The following DBR1 variants were observed in gnomAD, a reference collection of about 807,000 sequenced individuals.
DBR1 encodes the protein debranching RNA lariats 1, also known as lariat debranching enzyme.
DBR1 carries 33 observed loss-of-function variants against 45.9 expected under a neutral mutation model. The ratio of observed to expected loss-of-function variants is 0.72; its 90% confidence interval spans 0.55 to 0.96. The LOEUF is 0.96. Ranked by LOEUF, DBR1 falls within the 40% of genes least tolerant of loss-of-function variation. The pLI, the probability that DBR1 is intolerant of heterozygous loss-of-function variation, is 0.00. For synonymous variants in DBR1, 235 were observed against 235.9 expected (o/e 1.00, Z 0.04); for missense variants, 619 against 667.4 (o/e 0.93, Z 0.80).
At chr3:138,163,045 C>T (rs2042914960) in intron 7 of DBR1, among the ~76,000 whole-genome samples, 1 of 152,134 alleles carries the variant, frequency 6.6e-6, no homozygotes, top group African/African-American at 2.4e-5. Context: ...ATAGCTTGAG[C>T]TCAGGAGTTC....
At chr3:138,173,687 C>A in intron 1 of DBR1, 61 bp from the exon 2 acceptor site, 1 of 1,487,720 alleles carries the variant, frequency 6.7e-7, no homozygotes, top group South Asian at 1.3e-5. Context: ...CAAATAAGTT[C>A]CGAAAAAAAA....
chr3:138,167,204 T>A lies in DBR1; in HGVS notation c.591A>T (p.Arg197=). ...KQLLKTKSFF[R]QEVENNTLGS... ...CTAATGTGTTATTTTCCACTTCTTG[T>A]CGGAAAAAAGATTTAGTCTTAAGAA... Residue 197 remains arginine (R), a synonymous_variant, in exon 5 of 8, where the codon CGA becomes CGT. Transcript: ENST00000260803. 1 of 1,613,914 alleles carries A rather than the reference T, an allele frequency of 6.2e-7. No individual in the cohort carries two copies. Among genetic ancestry groups the A allele is most frequent in the Non-Finnish European group, 8.5e-7 (1 of 1,179,910 alleles).
At chr3:138,171,845 A>G (rs2042957032) in intron 2 of DBR1, 132 bp from the exon 3 acceptor site, 1 of 678,830 alleles carries the variant, frequency 1.5e-6, no homozygotes, top group Admixed American at 2.8e-5. Flanking sequence ...TGATGAGGTT[A>G]TGCTTTTTAC....
At chr3:138,164,305 T>C (rs997703029) in intron 5 of DBR1, 4 of 153,204 alleles carry the variant, frequency 2.6e-5, no homozygotes, top group African/African-American at 4.8e-5. Context: ...GATATATCCA[T>C]AGAATGAACT....
In DBR1 at chr3:138,171,647, T is replaced by A. The variant is rs142840558; in HGVS notation, c.389A>T (p.His130Leu). 9 of 1,608,824 alleles carry A rather than the reference T, an allele frequency of 5.6e-6. No individual in the cohort carries two copies. The African/African-American group carries it at 1.1e-4, about 19-fold the overall frequency. ...CAAAACAATACCTTTTCGATAGTCA[T>A]GAGATTTAAAGATACCAGAGATTCC... is the stretch of plus-strand genomic sequence containing the variant. ...IGGISGIFKS[H>L]DYRKGHFECP... Residue 130 changes from histidine to leucine, a missense_variant, in exon 3 of 8, where the codon CAT becomes CTT. By Grantham distance (99) the His-to-Leu change is moderately conservative. Transcript: ENST00000260803.
rs1420213664 is a variant in DBR1, at chr3:138,167,165, G to C, written c.630C>G (p.Ala210=). Residue 210 remains alanine (A), a synonymous_variant, in exon 5 of 8, where the codon GCC becomes GCG. Coordinates refer to ENST00000260803, the MANE Select transcript of DBR1 (RefSeq NM_016216.4). ...GTTTGAGATGCTCTAAAAGCTCTGA[G>C]GCAGCTGGACTTCCTAATGTGTTAT... is the stretch of plus-strand genomic sequence containing the variant. ...VENNTLGSPA[A]SELLEHLKPT... 1 of 1,614,028 alleles carries C rather than the reference G, an allele frequency of 6.2e-7. No individual in the cohort carries two copies. Among genetic ancestry groups the C allele is most frequent in the Non-Finnish European group, 8.5e-7 (1 of 1,180,022 alleles).
chr3:138,170,241 G>T, intron 3 of DBR1, 49 bp from the exon 4 acceptor site: 1 of 1,167,884 alleles, frequency 8.6e-7, no homozygotes, highest in Non-Finnish European at 1.2e-6. Context: ...CTTAAATACT[G>T]CAAATACAAA....
In DBR1 at chr3:138,167,321, AAG is replaced by A. The variant is rs748967650; in HGVS notation, c.490-18_490-17del. 6.5e-7 allele frequency: 1 copy of A among 1,547,056 alleles called. No homozygotes were observed. The highest frequency in any genetic ancestry group is 2.2e-5 in the East Asian group (1 of 44,594). The stretch of plus-strand genomic sequence containing the variant: ...GCTGCTTCAGCTTTCAAAAGAGAAA[AAG>A]AGAAAGAAAGAAAACTCTTAAAACA... On this transcript the variant is annotated splice_polypyrimidine_tract_variant and intron_variant, in intron 4 of 7. Coordinates refer to ENST00000260803, the MANE Select transcript of DBR1 (RefSeq NM_016216.4).
At chr3:138,174,330 A>G (rs1050285555) in intron 1 of DBR1, among the ~76,000 whole-genome samples, 3 of 152,098 alleles carry the variant, frequency 2.0e-5, no homozygotes, top group African/African-American at 7.2e-5. Flanking sequence ...AATGGATAAG[A>G]TGTGTATGGA....
rs570191869 is a variant in DBR1, at chr3:138,172,300, G to A, written c.323-587C>T. 2.0e-5 allele frequency among the ~76,000 whole-genome samples: 3 copies of A among 152,172 alleles called. No individual in the cohort carries two copies. In the South Asian group the frequency reaches 6.2e-4, roughly 31 times the overall value. On this transcript the variant is annotated intron_variant, in intron 2 of 7. Coordinates refer to ENST00000260803, the MANE Select transcript of DBR1 (RefSeq NM_016216.4). ...AGAATATACATTTAAATAAAGGGAT[G>A]AAGCTGGGTGCGGTGGCTCATCCCT...
At chr3:138,172,454 G>C (rs2042959626) in intron 2 of DBR1, among the ~76,000 whole-genome samples, 1 of 152,068 alleles carries the variant, frequency 6.6e-6, no homozygotes, top group Non-Finnish European at 1.5e-5. Context: ...AATTAGCCGG[G>C]CGTGGTGGTA....
intron 6 of DBR1, 74 bp from the exon 7 acceptor site, chr3:138,163,568 A>C: frequency 1.2e-6 from 1 of 842,156 alleles, no homozygotes; most frequent in Non-Finnish European, 1.6e-6. Context: ...TAATTTAATA[A>C]AATAAAAAGG....
chr3:138,166,455 G>T lies in DBR1; in HGVS notation c.714+626C>A, dbSNP rs1051461315. Among the ~76,000 whole-genome samples, 7 of 152,130 alleles carry T rather than the reference G, an allele frequency of 4.6e-5. No individual in the cohort carries two copies. In the East Asian group the frequency reaches 1.4e-3, roughly 29 times the overall value. ...GCTTCATTCTCTGTATTCTCTCTTT[G>T]CCTTAGGTTAAAACCTTTTCTTTTA... On this transcript the variant is annotated intron_variant, in intron 5 of 7. Coordinates refer to ENST00000260803, the MANE Select transcript of DBR1 (RefSeq NM_016216.4).
intron 5 of DBR1, 143 bp downstream of exon 5, chr3:138,166,938 C>T (rs1336181875): frequency 3.8e-6 from 3 of 786,774 alleles, no homozygotes; most frequent in South Asian, 3.2e-5. Context: ...TTTGTAATTG[C>T]TTGTCTTTCC....
rs1245735420 is a variant in DBR1 at position 138,163,770 on chromosome 3, C to A, written c.795+8G>T. ...AACTATATTATAAAGCCACTTCACT[C>A]TTCTTACCTGAAGAAAATCTCTATG... On this transcript the variant is annotated splice_region_variant and intron_variant, in intron 6 of 7. Coordinates refer to ENST00000260803, the MANE Select transcript of DBR1 (RefSeq NM_016216.4). 3 of 1,605,872 alleles carry A rather than the reference C, an allele frequency of 1.9e-6. No individual in the cohort carries two copies. Among genetic ancestry groups the A allele is most frequent in the Admixed American group, 1.7e-5 (1 of 59,738 alleles).
chr3:138,165,358 T>C (rs1181276601), intron 5 of DBR1, among the ~76,000 whole-genome samples: 2 of 152,140 alleles, frequency 1.3e-5, no homozygotes, highest in South Asian at 2.1e-4. Context: ...AATCTGAAAA[T>C]TGTGTGTCAT....
At chr3:138,163,681 T>C (rs2042917965) in intron 6 of DBR1, 97 bp downstream of exon 6, 8 of 922,840 alleles carry the variant, frequency 8.7e-6, no homozygotes, top group Non-Finnish European at 9.0e-6. Flanking sequence ...AATACATAAA[T>C]TACAAACAGA....
At position 138,161,332 on chromosome 3, in the gene DBR1, G is replaced by A. The variant is rs2042906091; in HGVS notation, c.*557C>T. The A allele has an allele frequency of 6.5e-6, 1 of 153,032 alleles. No homozygotes were observed. The highest frequency in any genetic ancestry group is 2.0e-4 in the South Asian group (1 of 4,906). 9.5% of individuals were successfully genotyped at this position (153,032 alleles called of 1,614,324 possible). A position where few individuals can be genotyped will look rare whatever the true frequency, so the allele number is the denominator to read the frequency against. ...AAGTGTTTATTGTAAAAATGGAAGT[G>A]AATAATGTATGTCTTCAAAAAAAAA... On this transcript the variant is annotated 3_prime_UTR_variant, in exon 8 of 8. Coordinates refer to ENST00000260803, the MANE Select transcript of DBR1 (RefSeq NM_016216.4).
intron 3 of DBR1, among the ~76,000 whole-genome samples, chr3:138,171,123 A>G (rs2042951463): frequency 6.6e-6 from 1 of 152,186 alleles, no homozygotes; most frequent in South Asian, 2.1e-4. Context: ...CAGATAAACA[A>G]TGAACTTTAA....
Sources: gnomAD v4.1 joint callset for allele counts (sites outside exome capture counted in the v4.1 genomes callset) on GRCh38, gnomAD v4.1.1 for gene constraint, MANE v1.5 for transcripts, NCBI Gene and HGNC (gene_info 2026-07-23, HGNC 2026-07-21) for gene names.